The following SEMA3A variants were observed in gnomAD, a reference collection of about 807,000 sequenced individuals.
The protein encoded by SEMA3A is semaphorin-3A.
In SEMA3A, 29 loss-of-function variants were observed where a neutral mutation model predicts 97.9. The observed-to-expected ratio is 0.30, with a 90% CI of 0.22 to 0.40. The LOEUF (loss-of-function observed/expected upper bound fraction) is 0.40. Among genes scored for constraint, SEMA3A ranks in the 10% least tolerant of loss-of-function variants. The pLI is 1.00. For missense variants in SEMA3A, 763 were observed against 951.3 expected (o/e 0.80, Z 2.60); for synonymous variants, 321 against 323.7 (o/e 0.99, Z 0.09).
At chr7:84,370,365 C>T (rs1397265227) in intron 2 of SEMA3A, among the ~76,000 whole-genome samples, 2 of 151,654 alleles carry the variant, frequency 1.3e-5, no homozygotes, top group Admixed American at 6.6e-5. Context: ...AATGTGTGTA[C>T]ACATAGGCCA....
intron 3 of SEMA3A, among the ~76,000 whole-genome samples, chr7:84,301,143 TAGA>T (rs1162257208): frequency 1.3e-5 from 2 of 152,040 alleles, no homozygotes; most frequent in Admixed American, 6.6e-5. Flanking sequence ...ATAAAACTCT[TAGA>T]AGAAAACATC....
chr7:84,378,687 T>C (rs967163013), intron 1 of SEMA3A, among the ~76,000 whole-genome samples: 7 of 152,072 alleles, frequency 4.6e-5, no homozygotes, highest in Admixed American at 1.3e-4. Context: ...TGCACATGTA[T>C]CCCAGAACTT....
intron 1 of SEMA3A, among the ~76,000 whole-genome samples, chr7:84,167,304 C>A (rs11974667): frequency 0.12 from 18,150 of 152,052 alleles, 1,147 homozygotes; most frequent in Middle Eastern, 0.17. Flanking sequence ...CCACAGCCAT[C>A]CTCTGAATAA....
At chr7:84,147,724 T>C (rs947255327) in intron 1 of SEMA3A, among the ~76,000 whole-genome samples, 5 of 152,210 alleles carry the variant, frequency 3.3e-5, no homozygotes, top group Admixed American at 2.6e-4. Context: ...TGTGCAATAG[T>C]GCATATGGGT....
At chr7:84,039,501 G>T (rs750583057) in intron 6 of SEMA3A, among the ~76,000 whole-genome samples, 1 of 152,106 alleles carries the variant, frequency 6.6e-6, no homozygotes, top group African/African-American at 2.4e-5. Flanking sequence ...AAATGGTAAG[G>T]CTATATGAAA....
chr7:84,244,911 G>A (rs573111938), intron 3 of SEMA3A, among the ~76,000 whole-genome samples: 90 of 152,204 alleles, frequency 5.9e-4, no homozygotes, highest in Non-Finnish European at 1.2e-3. Flanking sequence ...GTTGAATATT[G>A]GCCCTCACTT....
intron 1 of SEMA3A, among the ~76,000 whole-genome samples, chr7:84,161,457 C>T (rs1014498759): frequency 6.6e-6 from 1 of 152,120 alleles, no homozygotes; most frequent in Non-Finnish European, 1.5e-5. Flanking sequence ...ACAAATCATC[C>T]CTGACACCCT....
chr7:84,190,506 A>C (rs1312304170), intron 1 of SEMA3A, among the ~76,000 whole-genome samples: 1 of 151,440 alleles, frequency 6.6e-6, no homozygotes, highest in Non-Finnish European at 1.5e-5. Context: ...TGCTCTATGC[A>C]TGTGTGTATG....
At chr7:84,286,210 G>A (rs1800585026) in intron 3 of SEMA3A, among the ~76,000 whole-genome samples, 1 of 152,060 alleles carries the variant, frequency 6.6e-6, no homozygotes, top group African/African-American at 2.4e-5. Context: ...AAATAGATAT[G>A]AGGCACCTCA....
At chr7:84,197,271 T>C (rs1798254244), upstream of SEMA3A, among the ~76,000 whole-genome samples, 1 of 152,232 alleles carries the variant, frequency 6.6e-6, no homozygotes, top group Non-Finnish European at 1.5e-5. Flanking sequence ...TCTTCCTGTT[T>C]TTCCAGATGT....
chr7:84,098,268 T>C (rs1346716194), intron 4 of SEMA3A, among the ~76,000 whole-genome samples: 2 of 152,050 alleles, frequency 1.3e-5, no homozygotes, highest in African/African-American at 4.8e-5. Flanking sequence ...ACATTTATTT[T>C]TATTTTTATT....
intron 1 of SEMA3A, among the ~76,000 whole-genome samples, chr7:84,175,387 AT>A (rs1797531716): frequency 6.6e-6 from 1 of 152,216 alleles, no homozygotes; most frequent in African/African-American, 2.4e-5. Flanking sequence ...ATTAAAAACA[AT>A]TGTTTTAAAG....
At chr7:84,341,705 A>C (rs1342831902) in intron 2 of SEMA3A, among the ~76,000 whole-genome samples, 1 of 152,044 alleles carries the variant, frequency 6.6e-6, no homozygotes, top group Non-Finnish European at 1.5e-5. Flanking sequence ...CCTCTTTATT[A>C]TCACATTCAC....
intron 2 of SEMA3A, among the ~76,000 whole-genome samples, chr7:84,333,138 T>A (rs1362060075): frequency 6.6e-6 from 1 of 152,172 alleles, no homozygotes; most frequent in African/African-American, 2.4e-5. Flanking sequence ...TGTAACTTTG[T>A]ACTTTTTGTG....
chr7:84,480,673 A>C (rs536645379), intron 1 of SEMA3A, among the ~76,000 whole-genome samples: 1 of 152,200 alleles, frequency 6.6e-6, no homozygotes, highest in South Asian at 2.1e-4. Flanking sequence ...TCTGAAACTG[A>C]ATATTATCTG....
chr7:84,153,320 G>T (rs1437569270), intron 1 of SEMA3A, among the ~76,000 whole-genome samples: 1 of 152,122 alleles, frequency 6.6e-6, no homozygotes, highest in Non-Finnish European at 1.5e-5. Context: ...CATACAGTTG[G>T]TTATCATCTT....
At chr7:84,016,058 C>CAT (rs986899029) in intron 6 of SEMA3A, among the ~76,000 whole-genome samples, 15 of 151,456 alleles carry the variant, frequency 9.9e-5, no homozygotes, top group African/African-American at 2.7e-4. Context: ...TGTTCACATT[C>CAT]ATATATATAT....
intron 3 of SEMA3A, among the ~76,000 whole-genome samples, chr7:84,304,154 A>T (rs1801095500): frequency 6.6e-6 from 1 of 152,164 alleles, no homozygotes; most frequent in Admixed American, 6.6e-5. Flanking sequence ...GAAGCTCCTC[A>T]TGGATGAAGG....
chr7:84,227,648 T>C (rs1799020194), intron 3 of SEMA3A, among the ~76,000 whole-genome samples: 1 of 152,106 alleles, frequency 6.6e-6, no homozygotes. Flanking sequence ...TACTTCAAGG[T>C]ATTAGTCCTG....
Sources: gnomAD v4.1 joint callset for allele counts (sites outside exome capture counted in the v4.1 genomes callset) on GRCh38, gnomAD v4.1.1 for gene constraint, MANE v1.5 for transcripts, NCBI Gene and HGNC (gene_info 2026-07-23, HGNC 2026-07-21) for gene names.